SEMA4B: variants seen among roughly 807,000 people sequenced by gnomAD.
The protein encoded by SEMA4B is semaphorin 4B.
In SEMA4B, 55 loss-of-function variants were observed where a neutral mutation model predicts 88.1. The observed-to-expected ratio is 0.62, with a 90% CI of 0.50 to 0.78. The LOEUF is 0.78. Among genes scored for constraint, SEMA4B ranks in the 30% least tolerant of loss-of-function variants. SEMA4B has a pLI of 0.00. For synonymous variants in SEMA4B, 525 were observed against 473.6 expected (o/e 1.11, Z -1.41); for missense variants, 1,062 against 1,111.9 (o/e 0.96, Z 0.64).
intron 1 of SEMA4B, among the ~76,000 whole-genome samples, chr15:90,205,675 C>T (rs1194236285): frequency 1.3e-5 from 2 of 152,208 alleles, no homozygotes; most frequent in Non-Finnish European, 2.9e-5. Flanking sequence ...CTCTGGTGTG[C>T]TAGAAACCCC....
intron 1 of SEMA4B, among the ~76,000 whole-genome samples, chr15:90,215,849 G>A (rs564249458): frequency 8.8e-4 from 134 of 152,108 alleles, no homozygotes; most frequent in African/African-American, 3.0e-3. Context: ...ATACATGCAC[G>A]TATATATATA....
intron 1 of SEMA4B, chr15:90,217,231 C>T: frequency 1.9e-6 from 1 of 530,918 alleles, no homozygotes; most frequent in Non-Finnish European, 3.3e-6. Context: ...CTTGTACATA[C>T]ATCTCTGCAT....
In SEMA4B at chr15:90,214,180, C is replaced by T. The variant is rs1596142568; in HGVS notation, c.158-3259C>T. Among the ~76,000 whole-genome samples, 4 of 151,852 alleles carry T rather than the reference C, an allele frequency of 2.6e-5. No individual in the cohort carries two copies. The South Asian group carries it at 8.3e-4, about 32-fold the overall frequency. ...CCAACATGATGAAACCCTGACTTTA[C>T]TGAAAATACAAAAATTAGCTGGGCA... On this transcript the variant is annotated intron_variant, in intron 1 of 13. Coordinates refer to ENST00000411539, the MANE Select transcript of SEMA4B (RefSeq NM_198925.4).
intron 1 of SEMA4B, among the ~76,000 whole-genome samples, chr15:90,205,253 C>G (rs1396112450): frequency 6.6e-6 from 1 of 152,238 alleles, no homozygotes; most frequent in East Asian, 1.9e-4. Flanking sequence ...CCCTCTGGCC[C>G]TGGAGGAGGC....
At position 90,201,335 on chromosome 15, in the gene SEMA4B, CG is replaced by C. The variant is rs1293297482; in HGVS notation, c.-241del. ...CTTCAGCCCCGCCCTCCGCCGCTTG[CG>C]GGTGAGCTCTGCCCAAGCCGAGGCT... On this transcript the variant is annotated 5_prime_UTR_variant, in exon 1 of 14. Transcript: ENST00000411539. 8.4e-7 allele frequency: 1 copy of C among 1,196,808 alleles called. No individual in the cohort carries two copies. Among genetic ancestry groups the C allele is most frequent in the African/African-American group, 1.6e-5 (1 of 62,982 alleles). 74.1% of individuals were successfully genotyped at this position (1,196,808 alleles called of 1,614,324 possible).
chr15:90,214,676 C>G (rs1480753125), intron 1 of SEMA4B, among the ~76,000 whole-genome samples: 1 of 147,062 alleles, frequency 6.8e-6, no homozygotes, highest in Non-Finnish European at 1.5e-5. Flanking sequence ...CCCCAAATGG[C>G]TGATATGTGT....
chr15:90,215,035 G>GT (rs1318991384), intron 1 of SEMA4B: 1 of 1,245,766 alleles, frequency 8.0e-7, no homozygotes, highest in Non-Finnish European at 1.0e-6. Flanking sequence ...CCTCAGCTTC[G>GT]TGAGACTGTT....
At chr15:90,203,035 C>T (rs1204198935) in intron 1 of SEMA4B, among the ~76,000 whole-genome samples, 1 of 152,204 alleles carries the variant, frequency 6.6e-6, no homozygotes, top group African/African-American at 2.4e-5. Context: ...GTCTTGATTT[C>T]TTCATCTGTA....
At position 90,223,827 on chromosome 15, in the gene SEMA4B, T is replaced by C. The variant is rs776260635; in HGVS notation, c.1044-11T>C. 4 of 1,613,598 alleles carry C rather than the reference T, an allele frequency of 2.5e-6. No individual in the cohort carries two copies. The highest frequency in any genetic ancestry group is 2.5e-6 in the Non-Finnish European group (3 of 1,179,618). ...AGGGCTCCTGGGTTAATCTGGTTATTTCCTCTGCAGGCACAGGGGAACTAC... is the reference window on the plus strand; with the variant it reads ...AGGGCTCCTGGGTTAATCTGGTTATCTCCTCTGCAGGCACAGGGGAACTAC... On this transcript the variant is annotated splice_polypyrimidine_tract_variant and intron_variant, in intron 8 of 13. Coordinates refer to ENST00000411539, the MANE Select transcript of SEMA4B (RefSeq NM_198925.4).
At position 90,225,694 on chromosome 15, in the gene SEMA4B, G is replaced by C. The variant is rs751639413; in HGVS notation, c.1555G>C (p.Val519Leu). 6.4e-7 allele frequency: 1 copy of C among 1,568,010 alleles called. No individual in the cohort carries two copies. Among genetic ancestry groups the C allele is most frequent in the East Asian group, 2.4e-5 (1 of 41,994 alleles). Residue 519 changes from valine (V) to leucine (L), a missense_variant, in exon 12 of 14, where the codon GTC becomes CTC. Physicochemically the swap from Val to Leu is conservative, Grantham distance 32 (BLOSUM62 1). Transcript: ENST00000411539. ...LLYAASHSGV[V>L]QVPMANCSLY... ...GTATGCGGCCTCACACTCGGGCGTA[G>C]TCCAGGTGCCCATGGCCAACTGCAG...
At chr15:90,207,132 A>G (rs1961031630) in intron 1 of SEMA4B, among the ~76,000 whole-genome samples, 1 of 152,232 alleles carries the variant, frequency 6.6e-6, no homozygotes, top group South Asian at 2.1e-4. Flanking sequence ...TAGAGTGGCT[A>G]CAGAGTGATA....
At position 90,193,889 on chromosome 15, in the gene SEMA4B, G is replaced by A. The variant is rs146253820; in HGVS notation, c.-121-7569G>A. Among the ~76,000 whole-genome samples the A allele has an allele frequency of 8.5e-5, 12 of 140,798 alleles. No homozygotes were observed. In the East Asian group the frequency reaches 2.5e-3, roughly 29 times the overall value. 92.4% of individuals were successfully genotyped at this position (140,798 alleles called of 152,430 possible). On this transcript the variant is annotated intron_variant, in intron 1 of 14. Coordinates refer to the SEMA4B transcript ENST00000332496. ...GTCGGGGGGACGGAGTTTCACTCTT[G>A]TGCCCAGGCTGGAGCACAGTGGCGC...
chr15:90,208,483 T>C (rs1961099775), intron 1 of SEMA4B, among the ~76,000 whole-genome samples: 1 of 152,128 alleles, frequency 6.6e-6, no homozygotes, highest in Non-Finnish European at 1.5e-5. Flanking sequence ...GGAGAACCCA[T>C]CTTGATTATT....
At chr15:90,213,259 G>A (rs1961361252) in intron 1 of SEMA4B, among the ~76,000 whole-genome samples, 1 of 152,220 alleles carries the variant, frequency 6.6e-6, no homozygotes, top group Non-Finnish European at 1.5e-5. Flanking sequence ...CAGCCAGTAA[G>A]TGGTAGAGGA....
chr15:90,185,664 A>G (rs1045314639), intron 1 of SEMA4B, among the ~76,000 whole-genome samples: 3 of 152,208 alleles, frequency 2.0e-5, no homozygotes, highest in African/African-American at 7.2e-5. Context: ...TAATATGGGT[A>G]TGTTATTTGA....
chr15:90,194,044 G>A (rs921076674), intron 1 of SEMA4B, among the ~76,000 whole-genome samples: 12 of 151,776 alleles, frequency 7.9e-5, no homozygotes, highest in Admixed American at 2.0e-4. Flanking sequence ...TAGAGACAGC[G>A]TTTCATCATG....
chr15:90,203,828 T>A (rs1370674343), intron 1 of SEMA4B, among the ~76,000 whole-genome samples: 1 of 152,212 alleles, frequency 6.6e-6, no homozygotes, highest in African/African-American at 2.4e-5. Context: ...TGGGGCTAGG[T>A]CTGCCCGGAG....
chr15:90,207,598 C>T (rs1038318262), intron 1 of SEMA4B, among the ~76,000 whole-genome samples: 1 of 152,192 alleles, frequency 6.6e-6, no homozygotes, highest in Admixed American at 6.6e-5. Flanking sequence ...AGTTTGGGAC[C>T]AAGCCTTGGG....
At chr15:90,202,457 TCTG>T (rs1220438515) in intron 1 of SEMA4B, among the ~76,000 whole-genome samples, 1 of 152,224 alleles carries the variant, frequency 6.6e-6, no homozygotes, top group Non-Finnish European at 1.5e-5. Flanking sequence ...GGTCCTCACA[TCTG>T]CTTCTGTGGC....
Sources: gnomAD v4.1 joint callset for allele counts (sites outside exome capture counted in the v4.1 genomes callset) on GRCh38, gnomAD v4.1.1 for gene constraint, MANE v1.5 for transcripts, NCBI Gene and HGNC (gene_info 2026-07-23, HGNC 2026-07-21) for gene names.